MAMDC2: variants seen among roughly 807,000 people sequenced by gnomAD.
MAMDC2 encodes the protein MAM domain-containing protein 2.
In MAMDC2, 57 loss-of-function variants were observed where a neutral mutation model predicts 89.8. That is an observed-to-expected ratio of 0.63 (90% CI 0.51 to 0.79). The LOEUF is 0.79. Ranked by LOEUF, MAMDC2 falls within the 30% of genes least tolerant of loss-of-function variation. MAMDC2 has a pLI of 0.00. For synonymous variants in MAMDC2, 313 were observed against 293.4 expected (o/e 1.07, Z -0.68); for missense variants, 800 against 820.6 (o/e 0.97, Z 0.31).
At chr9:70,070,533 G>C (rs1050276011) in intron 2 of MAMDC2, among the ~76,000 whole-genome samples, 12 of 152,194 alleles carry the variant, frequency 7.9e-5, no homozygotes, top group African/African-American at 2.9e-4. Context: ...AACATCCAGA[G>C]ATTTGCATCA....
At chr9:70,160,069 A>T (rs2031915136) in intron 9 of MAMDC2, among the ~76,000 whole-genome samples, 2 of 152,048 alleles carry the variant, frequency 1.3e-5, no homozygotes, top group African/African-American at 4.8e-5. Context: ...AAAATTCGCA[A>T]GGCATGGTGG....
chr9:70,076,414 C>T (rs1327105927), intron 2 of MAMDC2, among the ~76,000 whole-genome samples: 2 of 149,596 alleles, frequency 1.3e-5, no homozygotes, highest in African/African-American at 4.9e-5. Context: ...GCATGAGACT[C>T]TGCCTCAAAA....
At chr9:70,125,241 TAGAC>T (rs2030478435) in intron 5 of MAMDC2, among the ~76,000 whole-genome samples, 1 of 152,212 alleles carries the variant, frequency 6.6e-6, no homozygotes, top group Non-Finnish European at 1.5e-5. Context: ...TTGTAATTGT[TAGAC>T]AGCTACAATG....
chr9:70,072,887 G>A (rs578113827), intron 2 of MAMDC2, among the ~76,000 whole-genome samples: 2 of 152,162 alleles, frequency 1.3e-5, no homozygotes, highest in South Asian at 2.1e-4. Context: ...GTCCACTGGA[G>A]TGCAGTGGTG....
At chr9:70,206,542 T>G (rs1269045612) in intron 11 of MAMDC2, among the ~76,000 whole-genome samples, 3 of 152,200 alleles carry the variant, frequency 2.0e-5, no homozygotes, top group Non-Finnish European at 4.4e-5. Context: ...TATAGTCCCC[T>G]CGATGTTACT....
intron 11 of MAMDC2, chr9:70,188,576 G>T (rs2032808748): frequency 6.6e-6 from 1 of 151,612 alleles, no homozygotes; most frequent in African/African-American, 2.4e-5. Context: ...CCCAAAGAGG[G>T]TGCACCATTC....
intron 10 of MAMDC2, 42 bp downstream of exon 10, chr9:70,168,837 TACATACATTTCCTGTATCGCTGAGAATC>T: frequency 1.4e-6 from 2 of 1,451,632 alleles, no homozygotes; most frequent in Middle Eastern, 1.7e-4. Flanking sequence ...CTCTGACCTA[TACATACATTTCCTGTATCGCTGAGAATC>T]ACATACATTT....
At chr9:70,115,820 A>C (rs2029959885) in intron 5 of MAMDC2, among the ~76,000 whole-genome samples, 1 of 152,358 alleles carries the variant, frequency 6.6e-6, no homozygotes, top group East Asian at 1.9e-4. Flanking sequence ...TTTAAAAGAC[A>C]GTTGGGTTAA....
intron 10 of MAMDC2, 36 bp downstream of exon 10, chr9:70,168,831 G>A: frequency 6.8e-7 from 1 of 1,479,638 alleles, no homozygotes; most frequent in Non-Finnish European, 9.5e-7. Flanking sequence ...CTGTCTCTCT[G>A]ACCTATACAT....
chr9:70,119,966 G>A (rs2030209879), intron 5 of MAMDC2, among the ~76,000 whole-genome samples: 1 of 152,194 alleles, frequency 6.6e-6, no homozygotes, highest in African/African-American at 2.4e-5. Context: ...GACAGACAGG[G>A]ATGAGCAACT....
intron 2 of MAMDC2, among the ~76,000 whole-genome samples, chr9:70,077,065 G>A (rs1025268314): frequency 1.3e-5 from 2 of 152,070 alleles, no homozygotes; most frequent in African/African-American, 4.8e-5. Context: ...AATAATAGAC[G>A]ATCTGTTAGC....
intron 11 of MAMDC2, 141 bp from the exon 12 acceptor site, chr9:70,218,196 T>C (rs2033484158): frequency 2.5e-6 from 2 of 801,720 alleles, no homozygotes; most frequent in East Asian, 2.7e-5. Flanking sequence ...TTAGATAATA[T>C]GCATTCTTCA....
chr9:70,062,091 A>T (rs1185131971), intron 2 of MAMDC2, among the ~76,000 whole-genome samples: 1 of 152,156 alleles, frequency 6.6e-6, no homozygotes, highest in Non-Finnish European at 1.5e-5. Flanking sequence ...TTCTTAACAG[A>T]AGTTTAAATT....
chr9:70,059,433 GAAT>G (rs1827097257), intron 2 of MAMDC2, among the ~76,000 whole-genome samples: 1 of 152,186 alleles, frequency 6.6e-6, no homozygotes, highest in Non-Finnish European at 1.5e-5. Context: ...AGCCACAGGA[GAAT>G]AATGACCTGT....
intron 9 of MAMDC2, among the ~76,000 whole-genome samples, chr9:70,159,749 C>T (rs975049860): frequency 2.6e-5 from 4 of 152,212 alleles, no homozygotes; most frequent in South Asian, 2.1e-4. Flanking sequence ...TGTCCTTGGA[C>T]ATGACAATTA....
intron 11 of MAMDC2, among the ~76,000 whole-genome samples, chr9:70,180,214 T>C (rs4588925): frequency 0.65 from 98,823 of 152,054 alleles, 32,663 homozygotes; most frequent in Admixed American, 0.71. Flanking sequence ...TATGGCTGCA[T>C]AGTATTTCAT....
At chr9:70,142,460 T>C (rs1174247702) in intron 8 of MAMDC2, among the ~76,000 whole-genome samples, 1 of 152,168 alleles carries the variant, frequency 6.6e-6, no homozygotes, top group Non-Finnish European at 1.5e-5. Context: ...AAAACACAGA[T>C]GAAACTGAGG....
At chr9:70,106,402 C>T (rs142922345) in intron 2 of MAMDC2, among the ~76,000 whole-genome samples, 1 of 152,206 alleles carries the variant, frequency 6.6e-6, no homozygotes, top group Admixed American at 6.5e-5. Context: ...GAGGTACTCA[C>T]GTGATCTCCC....
At chr9:70,069,099 G>T (rs1045144592) in intron 2 of MAMDC2, among the ~76,000 whole-genome samples, 1 of 152,168 alleles carries the variant, frequency 6.6e-6, no homozygotes, top group South Asian at 2.1e-4. Flanking sequence ...CACAAGAGAG[G>T]AATAAGCTGA....
Sources: allele counts gnomAD v4.1 joint callset (sites outside exome capture counted in the v4.1 genomes callset), GRCh38; gene constraint gnomAD v4.1.1; transcripts MANE v1.5; gene names NCBI Gene and HGNC (gene_info 2026-07-23, HGNC 2026-07-21).